Variants in MIOS observed in about 807,000 individuals in gnomAD.
The protein encoded by MIOS is meiosis regulator for oocyte development, also known as GATOR2 complex protein MIOS.
A neutral mutation model predicts 96.9 loss-of-function variants in MIOS; 52 were observed. The ratio of observed to expected loss-of-function variants is 0.54; its 90% CI spans 0.43 to 0.68. The LOEUF is 0.68. MIOS is among the 30% of genes least tolerant of loss of function. The pLI, the probability that MIOS is intolerant of heterozygous loss-of-function variation, is 0.00. For synonymous variants in MIOS, 397 were observed against 359.5 expected (o/e 1.10, Z -1.18); for missense variants, 1,005 against 1,052.8 (o/e 0.95, Z 0.63).
chr7:7,575,285 A>G (rs1423775506), intron 5 of MIOS, among the ~76,000 whole-genome samples: 1 of 152,176 alleles, frequency 6.6e-6, no homozygotes, highest in African/African-American at 2.4e-5. Context: ...GAGTAGGTTA[A>G]GTGTTTTAAT....
In MIOS at chr7:7,596,342, A is replaced by G. The variant is rs1305826468; in HGVS notation, c.2282A>G (p.Tyr761Cys). The G allele has an allele frequency of 1.2e-6, 2 of 1,613,988 alleles. No individual in the cohort carries two copies. The highest frequency in any genetic ancestry group is 2.2e-5 in the East Asian group (1 of 44,888). ...VPHQGRGFSQ[Y>C]GVSGSPTKSK... ...CATCAGGGCAGAGGTTTTAGTCAGT[A>G]TGGTGTGAGTGGCTCACCAACGAAA... Residue 761 changes from tyrosine (Y) to cysteine (C), a missense_variant, in exon 11 of 13, where the codon TAT (tyrosine) becomes TGT (cysteine). Transcript: ENST00000340080.
rs1784564403 is a variant in MIOS at position 7,607,515 on chromosome 7, G to A, written c.*423G>A. On this transcript the variant is annotated 3_prime_UTR_variant, in exon 13 of 13. Transcript: ENST00000340080. ...TCTGTGATTCAGACAATAGTTTTAA[G>A]TTCAGCTGTGCTTAGATTTCTTTCA... 1.3e-5 allele frequency: 2 copies of A among 153,656 alleles called. No homozygotes were observed. Among genetic ancestry groups the A allele is most frequent in the African/African-American group, 4.8e-5 (2 of 41,426 alleles). The allele number at this position is 153,656 out of a possible 1,614,324, so 9.5% of individuals were successfully genotyped here. A position where few individuals can be genotyped will look rare whatever the true frequency, so the allele number is the denominator to read the frequency against.
At chr7:7,601,556 G>T (rs1277914756) in intron 11 of MIOS, among the ~76,000 whole-genome samples, 2 of 152,072 alleles carry the variant, frequency 1.3e-5, no homozygotes, top group Admixed American at 1.3e-4. Flanking sequence ...CCAATAACAG[G>T]ATCTGAAATT....
At chr7:7,578,777 C>G (rs1228568561) in intron 5 of MIOS, among the ~76,000 whole-genome samples, 1 of 151,954 alleles carries the variant, frequency 6.6e-6, no homozygotes, top group African/African-American at 2.4e-5. Flanking sequence ...GTGACACAAT[C>G]TTGGCTCACT....
chr7:7,577,660 A>G (rs1312089002), intron 5 of MIOS, among the ~76,000 whole-genome samples: 1 of 152,164 alleles, frequency 6.6e-6, no homozygotes, highest in African/African-American at 2.4e-5. Context: ...CTTTAGATAC[A>G]AGGGTGCACA....
chr7:7,594,593 C>A (rs1042685251), intron 9 of MIOS, among the ~76,000 whole-genome samples: 2 of 152,162 alleles, frequency 1.3e-5, no homozygotes, highest in Non-Finnish European at 2.9e-5. Flanking sequence ...TCACGCCCAG[C>A]CTGTATTACA....
rs184884632 is a variant in MIOS, at chr7:7,574,344, G to C, written c.1393+148G>C. The stretch of plus-strand genomic sequence containing the variant: ...TTCTGATTGGATATTTCATTGTATT[G>C]TTGAGTTAAATGCATACTTGTATTT... On this transcript the variant is annotated intron_variant, in intron 5 of 12. Coordinates refer to ENST00000340080, the MANE Select transcript of MIOS (RefSeq NM_019005.4). 3 of 573,108 alleles carry C rather than the reference G, an allele frequency of 5.2e-6. No individual in the cohort carries two copies. The East Asian group carries it at 9.5e-5, about 18-fold the overall frequency. The allele number at this position is 573,108 out of a possible 1,614,324, so 35.5% of individuals were successfully genotyped here. A position where few individuals can be genotyped will look rare whatever the true frequency, so the allele number is the denominator to read the frequency against.
rs752044742 is a variant in MIOS, at chr7:7,573,161, G to C, written c.686G>C (p.Gly229Ala). The stretch of plus-strand genomic sequence containing the variant: ...TTCGTAAATACAAAAGCTGTTCAGG[G>C]TGTGACGGTAGACCCATATTTCCAC... ...KMFVNTKAVQ[G>A]VTVDPYFHDR... Residue 229 changes from glycine to alanine, a missense_variant, in exon 4 of 13, where the codon GGT (glycine) becomes GCT (alanine). This residue lies in a region of MIOS where 865 missense variants were observed against 887.9 expected (regional missense o/e 0.97). Coordinates refer to ENST00000340080, the MANE Select transcript of MIOS (RefSeq NM_019005.4). This position sits in a 1 kb window ranked among gnomAD's most constrained non-coding sequence, Gnocchi z 5.0. The C allele has an allele frequency of 4.3e-6, 7 of 1,614,070 alleles. No individual in the cohort carries two copies. The highest frequency in any genetic ancestry group is 5.9e-6 in the Non-Finnish European group (7 of 1,179,968).
At chr7:7,568,478 T>C (rs1028606519) in intron 3 of MIOS, among the ~76,000 whole-genome samples, 2 of 149,140 alleles carry the variant, frequency 1.3e-5, no homozygotes, top group African/African-American at 4.9e-5. Context: ...GTATATTACA[T>C]GGTGAAAAAA....
intron 3 of MIOS, among the ~76,000 whole-genome samples, chr7:7,568,685 G>A (rs1008951054): frequency 1.3e-5 from 2 of 152,162 alleles, no homozygotes; most frequent in Admixed American, 1.3e-4. Context: ...TTTGCACCAC[G>A]TCCTGCATAT....
At chr7:7,590,884 T>G (rs1314237361) in intron 9 of MIOS, among the ~76,000 whole-genome samples, 1 of 152,244 alleles carries the variant, frequency 6.6e-6, no homozygotes, top group Non-Finnish European at 1.5e-5. Context: ...TTCTGGGTTT[T>G]ACTTCATGCT....
At chr7:7,570,987 C>A (rs180961606) in intron 3 of MIOS, among the ~76,000 whole-genome samples, 1 of 152,222 alleles carries the variant, frequency 6.6e-6, no homozygotes, top group East Asian at 1.9e-4. Context: ...GAAACTTTTG[C>A]AAGATCAAAA....
chr7:7,583,520 A>G (rs1047882205), intron 6 of MIOS, 148 bp downstream of exon 6: 115 of 922,314 alleles, frequency 1.2e-4, no homozygotes, highest in African/African-American at 4.2e-4. Flanking sequence ...ACACAGCAGT[A>G]TATCTATAAC....
At chr7:7,576,096 T>C (rs1783523249) in intron 5 of MIOS, among the ~76,000 whole-genome samples, 1 of 152,198 alleles carries the variant, frequency 6.6e-6, no homozygotes, top group Non-Finnish European at 1.5e-5. Flanking sequence ...TATTAGAGCA[T>C]ACAGCTAAAT....
At chr7:7,606,759 A>C (rs1316272956) in intron 12 of MIOS, among the ~76,000 whole-genome samples, 1 of 152,042 alleles carries the variant, frequency 6.6e-6, no homozygotes, top group African/African-American at 2.4e-5. Flanking sequence ...ATATTTTTCC[A>C]AATGCCATTT....
intron 11 of MIOS, 122 bp downstream of exon 11, chr7:7,596,583 A>G (rs1583652076): frequency 3.3e-6 from 3 of 908,630 alleles, no homozygotes; most frequent in Middle Eastern, 6.3e-4. Context: ...GCAGTTTACT[A>G]GCTTGAAGGC....
intron 9 of MIOS, among the ~76,000 whole-genome samples, chr7:7,592,374 T>A (rs1209434584): frequency 2.0e-5 from 3 of 152,206 alleles, no homozygotes; most frequent in African/African-American, 7.2e-5. Flanking sequence ...GTTATTGTGC[T>A]TTTCAGTTAC....
At chr7:7,576,242 T>A (rs1293695863) in intron 5 of MIOS, among the ~76,000 whole-genome samples, 1 of 152,218 alleles carries the variant, frequency 6.6e-6, no homozygotes, top group Non-Finnish European at 1.5e-5. Flanking sequence ...CCTACATGCA[T>A]GCTATATGCC....
At position 7,573,825 on chromosome 7, in the gene MIOS, T is replaced by C. The variant is rs1409757328; in HGVS notation, c.1294+56T>C. Reference sequence around the variant, plus strand: ...GAATCAGGTAGAAATGTTCTTGAAGTTTGCCAAAAGGTCAGTCTGTAAATA... The same window carrying C: ...GAATCAGGTAGAAATGTTCTTGAAGCTTGCCAAAAGGTCAGTCTGTAAATA... On this transcript the variant is annotated intron_variant, in intron 4 of 12. Transcript: ENST00000340080. The surrounding 1 kb of genome is among the most constrained non-coding windows in gnomAD (Gnocchi z 5.0). The C allele has an allele frequency of 1.3e-6, 2 of 1,485,818 alleles. No individual in the cohort carries two copies. Among genetic ancestry groups the C allele is most frequent in the East Asian group, 2.3e-5 (1 of 43,970 alleles). 92.0% of individuals were successfully genotyped at this position (1,485,818 alleles called of 1,614,324 possible).
Sources: gnomAD v4.1 joint callset for allele counts (sites outside exome capture counted in the v4.1 genomes callset) on GRCh38, gnomAD v4.1.1 for gene constraint, gnomAD v4.1.1 regional missense constraint, Gnocchi (gnomAD v3.1) non-coding constraint, MANE v1.5 for transcripts, NCBI Gene and HGNC (gene_info 2026-07-23, HGNC 2026-07-21) for gene names.